Variants in AKAP6 observed in about 807,000 individuals in gnomAD.
AKAP6 encodes the protein A-kinase anchoring protein 6, also known as A-kinase anchor protein 6.
AKAP6 carries 58 observed loss-of-function variants against 188.5 expected under a neutral mutation model. The observed-to-expected ratio is 0.31, with a 90% confidence interval of 0.25 to 0.38. The LOEUF is 0.38. AKAP6 is among the 10% of genes least tolerant of loss of function. AKAP6 has a pLI of 1.00. For missense variants in AKAP6, 2,710 were observed against 2,740.0 expected (o/e 0.99, Z 0.24); for synonymous variants, 989 against 998.6 (o/e 0.99, Z 0.18).
At chr14:32,449,538 A>AAG (rs1416967326) in intron 2 of AKAP6, among the ~76,000 whole-genome samples, 1 of 141,396 alleles carries the variant, frequency 7.1e-6, no homozygotes, top group Non-Finnish European at 1.5e-5. Flanking sequence ...AAAAAAAAAA[A>AAG]AAAGAAAAAG....
At chr14:32,351,612 G>A (rs1179432270) in intron 1 of AKAP6, among the ~76,000 whole-genome samples, 1 of 151,110 alleles carries the variant, frequency 6.6e-6, no homozygotes, top group African/African-American at 2.4e-5. Flanking sequence ...CTAAACATTT[G>A]GAATGGTAGA....
intron 11 of AKAP6, among the ~76,000 whole-genome samples, chr14:32,762,873 G>A (rs957543481): frequency 1.4e-4 from 22 of 152,172 alleles, no homozygotes; most frequent in African/African-American, 5.3e-4. Context: ...CAAAAGGTCA[G>A]TTCAATAAGG....
At chr14:32,769,117 G>A (rs1485002163) in intron 11 of AKAP6, among the ~76,000 whole-genome samples, 3 of 128,844 alleles carry the variant, frequency 2.3e-5, no homozygotes, top group African/African-American at 6.1e-5. Context: ...GCACGATCTC[G>A]GCCCACTGCA....
Position 32,350,914 on chromosome 14 carries a change from A to T in AKAP6, c.-35+21506A>T, listed in dbSNP as rs148740378. 5.4e-3 allele frequency among the ~76,000 whole-genome samples: 817 copies of T among 152,220 alleles called. 7 individuals are homozygous for T. The highest frequency in any genetic ancestry group is 0.025 in the East Asian group (132 of 5,178). On this transcript the variant is annotated intron_variant, in intron 1 of 13. Transcript: ENST00000280979. ...CCCCATTCTAATAGCACAGGTAAAT[A>T]GCTTAACAATTTGGCATATGTTTTC... is the stretch of plus-strand genomic sequence containing the variant.
At chr14:32,781,384 A>T (rs1281420083) in intron 12 of AKAP6, among the ~76,000 whole-genome samples, 1 of 151,510 alleles carries the variant, frequency 6.6e-6, no homozygotes, top group Non-Finnish European at 1.5e-5. Flanking sequence ...AGGTAATTTT[A>T]TGAATAATCT....
chr14:32,660,005 A>T (rs946133360), intron 7 of AKAP6, among the ~76,000 whole-genome samples: 55 of 152,224 alleles, frequency 3.6e-4, no homozygotes, highest in African/African-American at 9.9e-4. Context: ...GGTTAAAAAA[A>T]ATATATATAT....
intron 2 of AKAP6, among the ~76,000 whole-genome samples, chr14:32,456,965 G>A (rs1325936838): frequency 6.6e-6 from 1 of 152,048 alleles, no homozygotes; most frequent in African/African-American, 2.4e-5. Context: ...AATATGGGAT[G>A]GAAATTATAA....
intron 2 of AKAP6, among the ~76,000 whole-genome samples, chr14:32,461,904 A>T (rs1891338026): frequency 6.6e-6 from 1 of 151,978 alleles, no homozygotes; most frequent in African/African-American, 2.4e-5. Context: ...GATGGAGCTG[A>T]AAACACAGCA....
intron 12 of AKAP6, among the ~76,000 whole-genome samples, chr14:32,784,799 G>A (rs1262359906): frequency 1.3e-5 from 2 of 152,142 alleles, no homozygotes; most frequent in Non-Finnish European, 2.9e-5. Context: ...AGGCGTATCT[G>A]ACTCCAAGAT....
At position 32,545,812 on chromosome 14, in the gene AKAP6, C is replaced by T. The variant is rs1485987424; in HGVS notation, c.1159C>T (p.Pro387Ser). 6.2e-7 allele frequency: 1 copy of T among 1,614,156 alleles called. No homozygotes were observed. Among genetic ancestry groups the T allele is most frequent in the Non-Finnish European group, 8.5e-7 (1 of 1,180,024 alleles). ...FNYNEDSPTQ[P>S]TLPKRGLFLK... ...TTATAACGAGGACTCTCCCACGCAG[C>T]CTACATTGCCAAAAAGAGGACTTTT... The change falls in exon 4 of 14, where the codon CCT (proline) becomes TCT (serine). Residue 387 changes from proline (P) to serine (S), a missense_variant. Pro to Ser is a moderately conservative substitution (Grantham distance 74). Around this residue, in one of 2 missense-constraint regions of AKAP6, gnomAD observed 2,473 missense variants for 2,426.1 expected, o/e 1.02. Coordinates refer to ENST00000280979, the MANE Select transcript of AKAP6 (RefSeq NM_004274.5).
rs540798338 is a variant in AKAP6 at position 32,805,898 on chromosome 14, G to A, written c.3589-15504G>A. On this transcript the variant is annotated intron_variant, in intron 12 of 13. Transcript: ENST00000280979. ...TTGAAAAAGCTAATTATTGCATAGAGAAGAGTAGCAGTGCAATACAGTACA... is the reference window on the plus strand; with the variant it reads ...TTGAAAAAGCTAATTATTGCATAGAAAAGAGTAGCAGTGCAATACAGTACA... Among the ~76,000 whole-genome samples, 6 of 152,330 alleles carry A rather than the reference G, an allele frequency of 3.9e-5. No individual in the cohort carries two copies. In the South Asian group the frequency reaches 1.2e-3, roughly 32 times the overall value.
intron 2 of AKAP6, among the ~76,000 whole-genome samples, chr14:32,507,235 A>G (rs977403748): frequency 9.2e-5 from 14 of 152,238 alleles, no homozygotes; most frequent in African/African-American, 3.1e-4. Flanking sequence ...CTTATAGAAA[A>G]GTAATCAGAC....
chr14:32,682,950 GT>G (rs1889745578), intron 8 of AKAP6, among the ~76,000 whole-genome samples: 1 of 151,194 alleles, frequency 6.6e-6, no homozygotes, highest in Non-Finnish European at 1.5e-5. Flanking sequence ...AGCAATCTTT[GT>G]TTAACAAGCA....
chr14:32,782,869 T>A (rs1255475241), intron 12 of AKAP6, among the ~76,000 whole-genome samples: 1 of 150,736 alleles, frequency 6.6e-6, no homozygotes, highest in Admixed American at 6.6e-5. Context: ...AATGAAAATC[T>A]CTGTGATTTT....
intron 12 of AKAP6, among the ~76,000 whole-genome samples, chr14:32,774,181 G>A (rs566730006): frequency 1.4e-4 from 21 of 151,940 alleles, no homozygotes; most frequent in Middle Eastern, 3.4e-3. Flanking sequence ...TGGAGATTTC[G>A]CTTAACCTTA....
chr14:32,331,259 CTT>C (rs1011223600), intron 1 of AKAP6, among the ~76,000 whole-genome samples: 4 of 152,028 alleles, frequency 2.6e-5, no homozygotes, highest in African/African-American at 9.7e-5. Context: ...ATTCTTGTCT[CTT>C]TTGTTTAAAG....
At chr14:32,776,447 C>T (rs1157167823) in intron 12 of AKAP6, among the ~76,000 whole-genome samples, 4 of 152,182 alleles carry the variant, frequency 2.6e-5, no homozygotes, top group Non-Finnish European at 5.9e-5. Flanking sequence ...GAGGCCTCCC[C>T]AGCCACATGG....
intron 2 of AKAP6, among the ~76,000 whole-genome samples, chr14:32,508,360 A>C (rs1414083023): frequency 3.9e-5 from 6 of 152,206 alleles, no homozygotes; most frequent in African/African-American, 1.4e-4. Flanking sequence ...GGAACAGGGT[A>C]GTTGAAATAG....
At chr14:32,743,989 T>A (rs1384450963) in intron 11 of AKAP6, among the ~76,000 whole-genome samples, 2 of 152,200 alleles carry the variant, frequency 1.3e-5, no homozygotes, top group Non-Finnish European at 2.9e-5. Context: ...TCCCTCAGCT[T>A]TTGTTTGTTT....
Sources: allele counts gnomAD v4.1 joint callset (sites outside exome capture counted in the v4.1 genomes callset), GRCh38; gene constraint gnomAD v4.1.1; regional missense constraint gnomAD v4.1.1; transcripts MANE v1.5; gene names NCBI Gene and HGNC (gene_info 2026-07-23, HGNC 2026-07-21).